Variants in PPP2R2D observed in about 807,000 individuals in gnomAD.
PPP2R2D encodes the protein serine/threonine-protein phosphatase 2A 55 kDa regulatory subunit B delta isoform.
Under a neutral mutation model 31.1 loss-of-function variants are expected in PPP2R2D, and 9 were observed. The ratio of observed to expected loss-of-function variants is 0.29; its 90% CI spans 0.17 to 0.51. The LOEUF is 0.51. PPP2R2D is among the 20% of genes least tolerant of loss of function. PPP2R2D has a pLI of 0.98. For missense variants in PPP2R2D, 391 were observed against 465.6 expected (o/e 0.84, Z 1.48); for synonymous variants, 179 against 172.6 (o/e 1.04, Z -0.29).
intron 2 of PPP2R2D, among the ~76,000 whole-genome samples, chr10:131,918,065 C>T (rs2035855281): frequency 7.2e-6 from 1 of 138,854 alleles, no homozygotes; most frequent in African/African-American, 2.7e-5. Flanking sequence ...TTTGTAGGGA[C>T]CTCAGGCGGG....
Position 131,951,829 on chromosome 10 carries a change from CA to C in PPP2R2D, c.1083-3847del, listed in dbSNP as rs560160242. Among the ~76,000 whole-genome samples the C allele has an allele frequency of 4.6e-5, 7 of 151,750 alleles. No homozygotes were observed. The East Asian group carries it at 7.8e-4, about 17-fold the overall frequency. The stretch of plus-strand genomic sequence containing the variant: ...AGTGAGACTCTGTCTCAAAAAAAAA[CA>C]AAAAAAATCTGTATACAAAATATAA... On this transcript the variant is annotated intron_variant, in intron 8 of 8. Coordinates refer to ENST00000455566, the MANE Select transcript of PPP2R2D (RefSeq NM_018461.5).
chr10:131,905,578 G>C (rs940394830), intron 2 of PPP2R2D, among the ~76,000 whole-genome samples: 1 of 152,196 alleles, frequency 6.6e-6, no homozygotes, highest in South Asian at 2.1e-4. Flanking sequence ...GGTAACAGTT[G>C]CTGAGTGGTC....
chr10:131,959,615 G>C lies in PPP2R2D; in HGVS notation c.*3652G>C, dbSNP rs1433481608. On this transcript the variant is annotated 3_prime_UTR_variant, in exon 9 of 9. Coordinates refer to ENST00000455566, the MANE Select transcript of PPP2R2D (RefSeq NM_018461.5). ...ACAGTGCCACTTGAGTTCACATTAA[G>C]TTAGAAATTGAGAATCTAAAGGTAC... The C allele has an allele frequency of 2.0e-5, 3 of 152,640 alleles. No homozygotes were observed. Among genetic ancestry groups the C allele is most frequent in the Admixed American group, 6.5e-5 (1 of 15,312 alleles). 9.5% of individuals were successfully genotyped at this position (152,640 alleles called of 1,614,324 possible). A position where few individuals can be genotyped will look rare whatever the true frequency, so the allele number is the denominator to read the frequency against.
intron 2 of PPP2R2D, among the ~76,000 whole-genome samples, chr10:131,903,405 T>A (rs1055441354): frequency 2.8e-5 from 4 of 142,004 alleles, no homozygotes; most frequent in African/African-American, 1.1e-4. Flanking sequence ...TGGTGGAGGT[T>A]GCAGTGAGTG....
Position 131,944,176 on chromosome 10 carries a change from T to C in PPP2R2D, c.655+31T>C, listed in dbSNP as rs782545193. The C allele has an allele frequency of 7.6e-6, 12 of 1,571,864 alleles. No homozygotes were observed. In the South Asian group the frequency reaches 1.2e-4, roughly 15 times the overall value. ...CTTCCTCAGAGGGACACTGGCGTCT[T>C]CCCGAGGGTGCTCTTTAGATAGTAA... On this transcript the variant is annotated intron_variant, in intron 6 of 8. Transcript: ENST00000455566.
At chr10:131,954,372 CATTCTT>C (rs1172277962) in intron 8 of PPP2R2D, among the ~76,000 whole-genome samples, 73 of 152,342 alleles carry the variant, frequency 4.8e-4, no homozygotes, top group African/African-American at 1.7e-3. Flanking sequence ...CAGATTCACA[CATTCTT>C]ATTACTTACC....
At chr10:131,968,585 A>G in the PPP2R2D span, 1 of 1,582,230 alleles carries the variant, frequency 6.3e-7, no homozygotes, top group Non-Finnish European at 8.7e-7. Context: ...CAGAAAAATT[A>G]TCAGTAGTTA....
chr10:131,929,573 C>G (rs1215627843), intron 2 of PPP2R2D, among the ~76,000 whole-genome samples: 1 of 152,186 alleles, frequency 6.6e-6, no homozygotes, highest in Non-Finnish European at 1.5e-5. Context: ...CGCCCGTGTC[C>G]TCTCTTTCAC....
In PPP2R2D at chr10:131,956,161, C is replaced by G. The variant is rs1554899952; in HGVS notation, c.*198C>G. 8.1e-7 allele frequency: 1 copy of G among 1,239,722 alleles called. No homozygotes were observed. Among genetic ancestry groups the G allele is most frequent in the Admixed American group, 4.1e-5 (1 of 24,244 alleles). 76.8% of individuals were successfully genotyped at this position (1,239,722 alleles called of 1,614,324 possible). A position where few individuals can be genotyped will look rare whatever the true frequency, so the allele number is the denominator to read the frequency against. ...GCGAGGCGCGAGACAGGCGCTGCTG[C>G]TCACGTGGAGACGCTCTCGAAGCAG... On this transcript the variant is annotated 3_prime_UTR_variant, in exon 9 of 9. Transcript: ENST00000455566.
chr10:131,934,649 C>A, intron 3 of PPP2R2D, 94 bp downstream of exon 3: 2 of 710,116 alleles, frequency 2.8e-6, no homozygotes, highest in South Asian at 3.1e-5. Context: ...CTCATTGTCT[C>A]ATTTCATTAA....
At position 131,958,246 on chromosome 10, in the gene PPP2R2D, C is replaced by T. The variant is rs1260379452; in HGVS notation, c.*2283C>T. On this transcript the variant is annotated 3_prime_UTR_variant, in exon 9 of 9. Transcript: ENST00000455566. Reference sequence around the variant, plus strand: ...AGGTGTGTACTGATCCCCTGTTCCCCTATCTAGATGAAGGTGTGTACTGCT... The same window carrying T: ...AGGTGTGTACTGATCCCCTGTTCCCTTATCTAGATGAAGGTGTGTACTGCT... The T allele has an allele frequency of 2.5e-5, 5 of 202,206 alleles. No homozygotes were observed. The East Asian group carries it at 6.5e-4, about 26-fold the overall frequency. The allele number at this position is 202,206 out of a possible 1,614,324, so 12.5% of individuals were successfully genotyped here.
At chr10:131,944,171 C>T (rs1554897590) in intron 6 of PPP2R2D, 26 bp downstream of exon 6, 3 of 1,586,928 alleles carry the variant, frequency 1.9e-6, no homozygotes, top group Non-Finnish European at 2.6e-6. Flanking sequence ...GGGACACTGG[C>T]GTCTTCCCGA....
chr10:131,916,495 C>T (rs2119772487), intron 2 of PPP2R2D, among the ~76,000 whole-genome samples: 1 of 152,334 alleles, frequency 6.6e-6, no homozygotes, highest in South Asian at 2.1e-4. Flanking sequence ...AAACAACTTC[C>T]TCATTACCAA....
chr10:131,971,013 G>T, the PPP2R2D span: 6 of 1,575,280 alleles, frequency 3.8e-6, no homozygotes, highest in Non-Finnish European at 5.2e-6. Flanking sequence ...TGTACCACAC[G>T]TGACACGGGA....
At chr10:131,933,716 A>G (rs1554896046) in intron 2 of PPP2R2D, among the ~76,000 whole-genome samples, 3 of 151,706 alleles carry the variant, frequency 2.0e-5, no homozygotes, top group Non-Finnish European at 2.9e-5. Context: ...TTTTAATTTA[A>G]TAGTTGGTCA....
intron 2 of PPP2R2D, among the ~76,000 whole-genome samples, chr10:131,904,337 C>T (rs2035548935): frequency 6.6e-6 from 1 of 152,240 alleles, no homozygotes; most frequent in East Asian, 1.9e-4. Context: ...CGGTGAAACC[C>T]CGTCTCTACT....
intron 2 of PPP2R2D, among the ~76,000 whole-genome samples, chr10:131,909,209 A>G (rs1017552574): frequency 1.3e-5 from 2 of 152,320 alleles, no homozygotes; most frequent in Admixed American, 6.5e-5. Context: ...GTCCTCTGGC[A>G]GAAAAGGGAG....
Position 131,940,646 on chromosome 10 carries a change from A to G in PPP2R2D, c.429A>G (p.Lys143=). The G allele has an allele frequency of 1.3e-6, 1 of 778,868 alleles. No individual in the cohort carries two copies. Among genetic ancestry groups the G allele is most frequent in the South Asian group, 1.4e-5 (1 of 73,872 alleles). 48.2% of individuals were successfully genotyped at this position (778,868 alleles called of 1,614,324 possible). ...AAAGAGCAGAAGGTTATAACCTGAA[A>G]GACGAAGATGGAAGACTTCGAGACC... The part of the protein sequence containing the change: ...RDKRAEGYNL[K]DEDGRLRDPF... The change falls in exon 5 of 9, where the codon AAA becomes AAG. Residue 143 remains lysine, a synonymous_variant. Coordinates refer to ENST00000455566, the MANE Select transcript of PPP2R2D (RefSeq NM_018461.5).
chr10:131,965,852 C>T, the PPP2R2D span, among the ~76,000 whole-genome samples: 1 of 152,220 alleles, frequency 6.6e-6, no homozygotes, highest in African/African-American at 2.4e-5. Flanking sequence ...TGTTTTACTT[C>T]ACATACCCTG....
Sources: gnomAD v4.1 joint callset for allele counts (sites outside exome capture counted in the v4.1 genomes callset) on GRCh38, gnomAD v4.1.1 for gene constraint, MANE v1.5 for transcripts, NCBI Gene and HGNC (gene_info 2026-07-23, HGNC 2026-07-21) for gene names.